Variants in LRBA observed in about 807,000 individuals in gnomAD.
LRBA encodes the protein LPS responsive beige-like anchor protein.
Under a neutral mutation model 330.0 loss-of-function variants are expected in LRBA, and 176 were observed. The observed-to-expected ratio is 0.53, with a 90% confidence interval of 0.47 to 0.60. LRBA has a LOEUF of 0.60. Ranked by LOEUF, LRBA falls within the 20% of genes least tolerant of loss-of-function variation. The probability of loss-of-function intolerance (pLI) is 0.00; values close to 1 mark genes in which losing one functional copy is unlikely to be tolerated. For synonymous variants in LRBA, 1,230 were observed against 1,193.0 expected (o/e 1.03, Z -0.64); for missense variants, 3,259 against 3,444.8 (o/e 0.95, Z 1.35).
chr4:150,491,129 A>G, intron 40 of LRBA, 94 bp from the exon 41 acceptor site: 1 of 522,690 alleles, frequency 1.9e-6, no homozygotes, highest in Non-Finnish European at 3.4e-6. Flanking sequence ...CCCTATTAAG[A>G]AAAATAATTT....
intron 20 of LRBA, 50 bp from the exon 21 acceptor site, chr4:150,868,355 A>T (rs768359633): frequency 7.2e-7 from 1 of 1,387,914 alleles, no homozygotes; most frequent in East Asian, 2.3e-5. Flanking sequence ...CAAAAAACTC[A>T]TGATAGAAGG....
In LRBA at chr4:150,706,944, T is replaced by C. The variant is rs143459916; in HGVS notation, c.5755-23227A>G. Among the ~76,000 whole-genome samples the C allele has an allele frequency of 1.2e-3, 181 of 151,964 alleles. 1 individual carries two copies. The highest frequency in any genetic ancestry group is 4.0e-3 in the African/African-American group (168 of 41,558). Reference sequence around the variant, plus strand: ...GTGACAAAAGTCCAAATATGCTTCATAACACATTCTATAAGGAAACATTCA... The same window carrying C: ...GTGACAAAAGTCCAAATATGCTTCACAACACATTCTATAAGGAAACATTCA... On this transcript the variant is annotated intron_variant, in intron 36 of 56. Coordinates refer to ENST00000651943, the MANE Select transcript of LRBA (RefSeq NM_001364905.1).
rs770971180 is a variant in LRBA, at chr4:150,277,904, T to A, written c.8417A>T (p.Tyr2806Phe). 16 of 1,613,980 alleles carry A rather than the reference T, an allele frequency of 9.9e-6. No homozygotes were observed. In the East Asian group the frequency reaches 3.6e-4, roughly 36 times the overall value. ...CCGGATTCCAGCGTCACATCCTGGA[T>A]AGGCAAAGAGCTGCTTGAGGTCCGA... Reference protein sequence around the residue: ...QVSDLKQLFAYPGCDAGIRAM... With the variant: ...QVSDLKQLFAFPGCDAGIRAM... The change falls in exon 56 of 57, where the codon TAT becomes TTT. Residue 2806 changes from tyrosine (Y) to phenylalanine (F), a missense_variant. Transcript: ENST00000651943.
At chr4:150,808,455 A>G in intron 31 of LRBA, 57 bp from the exon 32 acceptor site, 2 of 938,044 alleles carry the variant, frequency 2.1e-6, no homozygotes, top group Non-Finnish European at 3.5e-6. Context: ...ATGAAGATTT[A>G]AATAAAAAGA....
intron 47 of LRBA, among the ~76,000 whole-genome samples, chr4:150,376,072 G>A (rs1051836769): frequency 2.6e-5 from 4 of 152,214 alleles, no homozygotes; most frequent in Non-Finnish European, 4.4e-5. Context: ...ACATTAGAGA[G>A]AGAGAAGGGC....
At chr4:150,439,456 C>T (rs577291807) in intron 44 of LRBA, among the ~76,000 whole-genome samples, 1 of 151,542 alleles carries the variant, frequency 6.6e-6, no homozygotes, top group East Asian at 1.9e-4. Flanking sequence ...AGACATACCA[C>T]GTTTATTTGC....
At chr4:150,638,421 CT>C (rs1778148308) in intron 37 of LRBA, among the ~76,000 whole-genome samples, 1 of 152,168 alleles carries the variant, frequency 6.6e-6, no homozygotes, top group Non-Finnish European at 1.5e-5. Flanking sequence ...GTATTTTATT[CT>C]TTTTGTTGGC....
intron 40 of LRBA, among the ~76,000 whole-genome samples, chr4:150,493,559 T>A (rs1399152168): frequency 6.6e-6 from 1 of 152,188 alleles, no homozygotes; most frequent in Non-Finnish European, 1.5e-5. Context: ...CGGATTTCTG[T>A]CTTCTCAAGA....
chr4:150,761,366 C>G (rs1735061948), intron 35 of LRBA, among the ~76,000 whole-genome samples: 1 of 152,018 alleles, frequency 6.6e-6, no homozygotes, highest in African/African-American at 2.4e-5. Flanking sequence ...ACCTTTCTCA[C>G]CACATCACAT....
intron 41 of LRBA, among the ~76,000 whole-genome samples, chr4:150,488,148 G>C (rs868515927): frequency 9.2e-5 from 14 of 151,582 alleles, no homozygotes; most frequent in South Asian, 2.1e-4. Context: ...AATGATAGCT[G>C]AGATAATGTG....
chr4:150,765,346 C>A (rs187840458), intron 34 of LRBA, among the ~76,000 whole-genome samples: 2 of 152,186 alleles, frequency 1.3e-5, no homozygotes, highest in African/African-American at 4.8e-5. Flanking sequence ...CACCACTACA[C>A]ATTTGTCTAA....
At chr4:150,344,450 T>C (rs183359101) in intron 48 of LRBA, among the ~76,000 whole-genome samples, 1 of 152,384 alleles carries the variant, frequency 6.6e-6, no homozygotes, top group Non-Finnish European at 1.5e-5. Flanking sequence ...ATCCAGTCAG[T>C]ACTTTTTAGT....
At chr4:150,932,363 T>TAA (rs78850552) in intron 2 of LRBA, among the ~76,000 whole-genome samples, 6 of 132,388 alleles carry the variant, frequency 4.5e-5, no homozygotes, top group African/African-American at 1.4e-4. Flanking sequence ...ACTAGGGTGT[T>TAA]AAAAAAAAAA....
intron 30 of LRBA, among the ~76,000 whole-genome samples, chr4:150,819,903 C>T (rs1408427594): frequency 3.3e-5 from 5 of 152,004 alleles, no homozygotes; most frequent in Admixed American, 1.3e-4. Flanking sequence ...ATCAGAAGTA[C>T]GGCTTTCTAC....
intron 37 of LRBA, among the ~76,000 whole-genome samples, chr4:150,662,895 T>C (rs939500041): frequency 5.3e-5 from 8 of 152,160 alleles, no homozygotes; most frequent in African/African-American, 1.4e-4. Context: ...AGGTCAAGAC[T>C]GCTGTGAGCC....
intron 37 of LRBA, among the ~76,000 whole-genome samples, chr4:150,633,411 A>C (rs113674706): frequency 1.3e-5 from 2 of 152,214 alleles, no homozygotes; most frequent in African/African-American, 4.8e-5. Flanking sequence ...CTAATCCCCA[A>C]ATCTTTAGAC....
In LRBA at chr4:150,806,500, T is replaced by G. The variant is rs922839680; in HGVS notation, c.5385-96A>C. The G allele has an allele frequency of 4.4e-6, 3 of 683,436 alleles. No homozygotes were observed. In the African/African-American group the frequency reaches 5.7e-5, roughly 13 times the overall value. The allele number at this position is 683,436 out of a possible 1,614,324, so 42.3% of individuals were successfully genotyped here. A position where few individuals can be genotyped will look rare whatever the true frequency, so the allele number is the denominator to read the frequency against. On this transcript the variant is annotated intron_variant, in intron 32 of 56. Transcript: ENST00000651943. ...GATGTATTTCCATATATATATATAATTATTTAAAAAAATTAAAAATCACCT... is the reference window on the plus strand; with the variant it reads ...GATGTATTTCCATATATATATATAAGTATTTAAAAAAATTAAAAATCACCT...
chr4:150,268,971 A>T, intron 56 of LRBA, among the ~76,000 whole-genome samples: 1 of 145,102 alleles, frequency 6.9e-6, no homozygotes, highest in South Asian at 2.3e-4. Flanking sequence ...ATGATCTTGT[A>T]TGTAGGAAAT....
intron 47 of LRBA, among the ~76,000 whole-genome samples, chr4:150,371,144 T>C (rs1740222156): frequency 6.6e-6 from 1 of 151,568 alleles, no homozygotes; most frequent in African/African-American, 2.4e-5. Flanking sequence ...TATCTCCTTT[T>C]CATAGTAGGT....
Sources: gnomAD v4.1 joint callset for allele counts (sites outside exome capture counted in the v4.1 genomes callset) on GRCh38, gnomAD v4.1.1 for gene constraint, MANE v1.5 for transcripts, NCBI Gene and HGNC (gene_info 2026-07-23, HGNC 2026-07-21) for gene names.